Variants in GMDS observed in about 807,000 individuals in gnomAD.
The protein encoded by GMDS is GDP-mannose 4,6-dehydratase.
Under a neutral mutation model 49.9 loss-of-function variants are expected in GMDS, and 20 were observed. That is an observed-to-expected ratio of 0.40 (90% confidence interval 0.28 to 0.58). The LOEUF is 0.58. Ranked by LOEUF, GMDS falls within the 20% of genes least tolerant of loss-of-function variation. The probability of loss-of-function intolerance (pLI) is 0.42; values close to 1 mark genes in which losing one functional copy is unlikely to be tolerated. For missense variants in GMDS, 362 were observed against 481.4 expected (o/e 0.75, Z 2.32); for synonymous variants, 177 against 178.6 (o/e 0.99, Z 0.07).
At chr6:2,065,333 C>G (rs538347875) in intron 4 of GMDS, among the ~76,000 whole-genome samples, 1 of 152,146 alleles carries the variant, frequency 6.6e-6, no homozygotes, top group Non-Finnish European at 1.5e-5. Flanking sequence ...AAAAACACAG[C>G]AGAAAAACTG....
chr6:1,938,996 TCTC>T (rs1429883876), intron 6 of GMDS, among the ~76,000 whole-genome samples: 1 of 115,028 alleles, frequency 8.7e-6, no homozygotes, highest in Non-Finnish European at 1.7e-5. Flanking sequence ...TCTCCTCTCC[TCTC>T]CTCTTCTCTT....
chr6:2,069,621 A>G (rs1223882137), intron 4 of GMDS, among the ~76,000 whole-genome samples: 1 of 152,224 alleles, frequency 6.6e-6, no homozygotes, highest in Admixed American at 6.5e-5. Context: ...ATGAACAGAC[A>G]CTTCTCAAAA....
At chr6:2,034,867 G>A (rs1045720426) in intron 4 of GMDS, among the ~76,000 whole-genome samples, 7 of 152,132 alleles carry the variant, frequency 4.6e-5, no homozygotes, top group East Asian at 1.9e-4. Context: ...CAGCCAATCC[G>A]TTTCTGGCCT....
intron 7 of GMDS, among the ~76,000 whole-genome samples, chr6:1,806,878 T>C (rs1770198941): frequency 6.6e-6 from 1 of 152,184 alleles, no homozygotes; most frequent in Non-Finnish European, 1.5e-5. Context: ...AGGTTTAGGA[T>C]AAAGAAATCT....
chr6:1,731,777 G>GC (rs984136862), intron 8 of GMDS, among the ~76,000 whole-genome samples: 3 of 152,248 alleles, frequency 2.0e-5, no homozygotes, highest in East Asian at 1.9e-4. Flanking sequence ...AGCTAAGAGA[G>GC]CCCCCCAGAG....
At chr6:1,704,867 G>A (rs1581482881) in intron 9 of GMDS, among the ~76,000 whole-genome samples, 1 of 151,920 alleles carries the variant, frequency 6.6e-6, no homozygotes, top group Admixed American at 6.6e-5. Flanking sequence ...GGGGGGCGGG[G>A]GTGAGGGGTG....
chr6:2,144,838 G>T (rs754834891), intron 1 of GMDS, among the ~76,000 whole-genome samples: 2 of 152,288 alleles, frequency 1.3e-5, no homozygotes, highest in Middle Eastern at 3.4e-3. Context: ...ACAAAGTAAG[G>T]CCAGGTAGGA....
intron 4 of GMDS, among the ~76,000 whole-genome samples, chr6:2,105,356 A>C (rs1774182841): frequency 6.6e-6 from 1 of 152,212 alleles, no homozygotes; most frequent in African/African-American, 2.4e-5. Context: ...TCAAATATTC[A>C]AACACTTCTT....
At chr6:1,683,505 C>G (rs1764868219) in intron 9 of GMDS, among the ~76,000 whole-genome samples, 10 of 152,186 alleles carry the variant, frequency 6.6e-5, no homozygotes, top group Admixed American at 6.5e-4. Context: ...CCAAGAAACT[C>G]TGGTGGGAAA....
chr6:1,687,517 T>G (rs1448684424), intron 9 of GMDS, among the ~76,000 whole-genome samples: 1 of 150,860 alleles, frequency 6.6e-6, no homozygotes, highest in African/African-American at 2.4e-5. Context: ...ACTCCTCCAC[T>G]CAGCAGGCCA....
chr6:2,063,387 A>G (rs1487881662), intron 4 of GMDS, among the ~76,000 whole-genome samples: 1 of 152,224 alleles, frequency 6.6e-6, no homozygotes, highest in Non-Finnish European at 1.5e-5. Flanking sequence ...AAGTAAATAC[A>G]TGTCAAGACA....
intron 4 of GMDS, among the ~76,000 whole-genome samples, chr6:1,996,505 C>T (rs1026472693): frequency 1.4e-4 from 21 of 152,182 alleles, no homozygotes; most frequent in African/African-American, 4.3e-4. Context: ...TTCTCTTTCA[C>T]TTACATAAGT....
intron 4 of GMDS, among the ~76,000 whole-genome samples, chr6:2,019,879 T>C (rs140855831): frequency 6.6e-4 from 100 of 152,340 alleles, no homozygotes; most frequent in African/African-American, 2.3e-3. Flanking sequence ...TGATATGCTA[T>C]ATTACAGTAG....
intron 4 of GMDS, among the ~76,000 whole-genome samples, chr6:2,023,835 A>C (rs2127408415): frequency 6.6e-6 from 1 of 152,332 alleles, no homozygotes; most frequent in Non-Finnish European, 1.5e-5. Context: ...AATCTTAAAG[A>C]TATGGAAGAG....
At chr6:2,122,697 T>A (rs1484840445) in intron 2 of GMDS, among the ~76,000 whole-genome samples, 1 of 152,242 alleles carries the variant, frequency 6.6e-6, no homozygotes, top group Non-Finnish European at 1.5e-5. Context: ...CCTATTAAAG[T>A]TGAATACAGT....
chr6:1,798,786 C>G (rs1432339716), intron 7 of GMDS, among the ~76,000 whole-genome samples: 1 of 152,178 alleles, frequency 6.6e-6, no homozygotes, highest in Non-Finnish European at 1.5e-5. Flanking sequence ...GTTTTGGCAT[C>G]GCATACTGTT....
intron 7 of GMDS, among the ~76,000 whole-genome samples, chr6:1,845,466 T>C (rs1318336277): frequency 1.3e-5 from 2 of 152,226 alleles, no homozygotes; most frequent in Non-Finnish European, 2.9e-5. Flanking sequence ...CCAGTTTTAT[T>C]AGCCAACCAC....
chr6:1,924,801 C>T (rs1352545903), intron 7 of GMDS, among the ~76,000 whole-genome samples: 1 of 152,116 alleles, frequency 6.6e-6, no homozygotes, highest in Non-Finnish European at 1.5e-5. Context: ...AGAGTGTTCT[C>T]GTGAAGCTGC....
At chr6:1,789,711 T>C (rs1769460580) in intron 7 of GMDS, among the ~76,000 whole-genome samples, 2 of 151,980 alleles carry the variant, frequency 1.3e-5, no homozygotes, top group African/African-American at 4.8e-5. Context: ...AATTTTTGTG[T>C]ATTTTTTTTG....
Sources: allele counts gnomAD v4.1 joint callset (sites outside exome capture counted in the v4.1 genomes callset), GRCh38; gene constraint gnomAD v4.1.1; transcripts MANE v1.5; gene names NCBI Gene and HGNC (gene_info 2026-07-23, HGNC 2026-07-21).